DCLK1: variants seen among roughly 807,000 people sequenced by gnomAD.
The protein encoded by DCLK1 is serine/threonine-protein kinase DCLK1.
A neutral mutation model predicts 86.2 loss-of-function variants in DCLK1; 16 were observed. The ratio of observed to expected loss-of-function variants is 0.19; its 90% CI spans 0.13 to 0.28. The LOEUF (loss-of-function observed/expected upper bound fraction) is 0.28, where lower values mean the gene tolerates loss of function less well. DCLK1 is among the 10% of genes least tolerant of loss of function. The probability of loss-of-function intolerance (pLI) is 1.00; values close to 1 mark genes in which losing one functional copy is unlikely to be tolerated. For synonymous variants in DCLK1, 369 were observed against 370.5 expected (o/e 1.00, Z 0.05); for missense variants, 590 against 940.2 (o/e 0.63, Z 4.87).
intron 3 of DCLK1, among the ~76,000 whole-genome samples, chr13:36,086,650 G>A (rs1884616576): frequency 1.3e-5 from 2 of 151,978 alleles, no homozygotes; most frequent in African/African-American, 4.8e-5. Flanking sequence ...GCCCTGGTGT[G>A]TGATGTTCCC....
At chr13:35,793,337 AGTTATAG>A (rs1454514358) in intron 16 of DCLK1, 22 bp downstream of exon 16, 1 of 1,575,590 alleles carries the variant, frequency 6.3e-7, no homozygotes, top group Admixed American at 1.8e-5. Context: ...CTTTAAAAAA[AGTTATAG>A]GTGGATATTT....
chr13:35,796,407 C>T (rs1195181755), intron 15 of DCLK1, among the ~76,000 whole-genome samples: 3 of 151,964 alleles, frequency 2.0e-5, no homozygotes, highest in South Asian at 2.1e-4. Context: ...AGGGTAGGGA[C>T]GGAGGGTAGA....
chr13:36,112,970 C>A (rs756703986), intron 2 of DCLK1, among the ~76,000 whole-genome samples: 2 of 152,008 alleles, frequency 1.3e-5, no homozygotes, highest in Admixed American at 6.5e-5. Context: ...ATCACACACA[C>A]AAAAAAGAAA....
intron 5 of DCLK1, chr13:35,855,532 C>A (rs1870994026): frequency 1.2e-6 from 2 of 1,607,194 alleles, no homozygotes; most frequent in Non-Finnish European, 1.7e-6. Flanking sequence ...CTAACATGGA[C>A]ACAGTCTTAG....
At chr13:35,858,498 G>A (rs938409145) in intron 5 of DCLK1, among the ~76,000 whole-genome samples, 2 of 152,100 alleles carry the variant, frequency 1.3e-5, no homozygotes, top group Non-Finnish European at 2.9e-5. Flanking sequence ...ATTTCATTTA[G>A]GTCTTACTCA....
chr13:36,093,076 C>T (rs149014442), intron 3 of DCLK1, among the ~76,000 whole-genome samples: 57 of 152,290 alleles, frequency 3.7e-4, no homozygotes, highest in African/African-American at 1.3e-3. Context: ...AAACTATTAA[C>T]AGACTGCAGC....
intron 3 of DCLK1, among the ~76,000 whole-genome samples, chr13:35,957,505 A>G (rs2153135890): frequency 6.6e-6 from 1 of 152,286 alleles, no homozygotes; most frequent in South Asian, 2.1e-4. Flanking sequence ...AATTTCTCAC[A>G]AGGACTCTTT....
At chr13:36,004,818 T>A (rs539289167) in intron 3 of DCLK1, among the ~76,000 whole-genome samples, 1 of 152,318 alleles carries the variant, frequency 6.6e-6, no homozygotes, top group African/African-American at 2.4e-5. Flanking sequence ...GCTCAAGCGA[T>A]CTGCCTGCCT....
intron 2 of DCLK1, among the ~76,000 whole-genome samples, chr13:36,124,022 C>T (rs1023317108): frequency 2.0e-5 from 3 of 152,120 alleles, no homozygotes; most frequent in Non-Finnish European, 4.4e-5. Flanking sequence ...GATTGAAGTA[C>T]CCCAACCCCC....
intron 3 of DCLK1, among the ~76,000 whole-genome samples, chr13:36,016,595 C>T (rs1292553310): frequency 2.6e-5 from 4 of 152,250 alleles, no homozygotes; most frequent in East Asian, 1.9e-4. Context: ...ATTCATCTCA[C>T]GAGAGAAGCA....
intron 4 of DCLK1, among the ~76,000 whole-genome samples, chr13:35,910,055 A>C (rs554688058): frequency 2.6e-5 from 4 of 152,206 alleles, no homozygotes; most frequent in African/African-American, 9.6e-5. Flanking sequence ...TCCTGAGGTT[A>C]CTCAGGAGGG....
chr13:35,873,837 G>T (rs1872441571), intron 4 of DCLK1, among the ~76,000 whole-genome samples: 1 of 152,092 alleles, frequency 6.6e-6, no homozygotes, highest in Admixed American at 6.5e-5. Context: ...CAGTAAAGTT[G>T]TACATTTTTC....
At chr13:35,810,117 C>A (rs565254353) in intron 12 of DCLK1, among the ~76,000 whole-genome samples, 1 of 152,300 alleles carries the variant, frequency 6.6e-6, no homozygotes, top group South Asian at 2.1e-4. Context: ...TTGACTCAGG[C>A]TGACCTGAGT....
intron 5 of DCLK1, among the ~76,000 whole-genome samples, chr13:35,857,187 T>C (rs1464924198): frequency 6.6e-6 from 1 of 152,218 alleles, no homozygotes; most frequent in African/African-American, 2.4e-5. Context: ...TGAGCTCATT[T>C]AAGCAAAGCT....
At chr13:35,876,661 A>G (rs1324684019) in intron 4 of DCLK1, among the ~76,000 whole-genome samples, 1 of 152,202 alleles carries the variant, frequency 6.6e-6, no homozygotes, top group Non-Finnish European at 1.5e-5. Flanking sequence ...CCAGTAATGT[A>G]GAAAACCTTT....
intron 6 of DCLK1, chr13:35,849,231 G>A: frequency 5.1e-6 from 5 of 985,190 alleles, no homozygotes; most frequent in Non-Finnish European, 6.0e-6. Context: ...CTATAAACCA[G>A]ATGGTAAAAT....
At chr13:35,941,806 TTCAA>T (rs1360291332) in intron 4 of DCLK1, among the ~76,000 whole-genome samples, 8 of 152,194 alleles carry the variant, frequency 5.3e-5, no homozygotes, top group Non-Finnish European at 1.2e-4. Context: ...ATTTACCATC[TTCAA>T]TCAGAGGGGC....
intron 3 of DCLK1, among the ~76,000 whole-genome samples, chr13:36,013,964 A>G (rs2153148801): frequency 6.6e-6 from 1 of 151,874 alleles, no homozygotes; most frequent in African/African-American, 2.4e-5. Flanking sequence ...GAAAAGCACA[A>G]TATTCGCCAG....
At chr13:36,108,403 C>CA (rs1355608231) in intron 3 of DCLK1, among the ~76,000 whole-genome samples, 2 of 152,090 alleles carry the variant, frequency 1.3e-5, no homozygotes, top group African/African-American at 4.8e-5. Flanking sequence ...CTAAAAACAT[C>CA]AAAAAAAGTA....
Sources: allele counts gnomAD v4.1 joint callset (sites outside exome capture counted in the v4.1 genomes callset), GRCh38; gene constraint gnomAD v4.1.1; transcripts MANE v1.5; gene names NCBI Gene and HGNC (gene_info 2026-07-23, HGNC 2026-07-21).